The following RARB variants were observed in gnomAD, a reference collection of about 807,000 sequenced individuals.
The protein encoded by RARB is HBV-activated protein.
Under a neutral mutation model 51.9 loss-of-function variants are expected in RARB, and 17 were observed. The observed-to-expected ratio is 0.33, with a 90% CI of 0.22 to 0.49. The LOEUF (loss-of-function observed/expected upper bound fraction) is 0.49, where lower values mean the gene tolerates loss of function less well. RARB is among the 20% of genes least tolerant of loss of function. RARB has a pLI of 0.99. For synonymous variants in RARB, 215 were observed against 195.4 expected, an observed-to-expected ratio of 1.10 and a Z score of -0.84; for missense variants, 369 against 550.8, an observed-to-expected ratio of 0.67 and a Z score of 3.30.
intron 4 of RARB, among the ~76,000 whole-genome samples, chr3:25,158,678 T>G (rs1700417044): frequency 2.0e-5 from 3 of 152,234 alleles, no homozygotes; most frequent in South Asian, 2.1e-4. Context: ...TTTATGTAAT[T>G]AATGACTTTA....
intron 5 of RARB, among the ~76,000 whole-genome samples, chr3:25,299,624 C>T (rs1029678746): frequency 3.9e-5 from 6 of 152,096 alleles, no homozygotes; most frequent in Admixed American, 6.6e-5. Flanking sequence ...TTTAAAAAGA[C>T]GGTTATTTTT....
At chr3:25,043,182 A>C (rs1041940819) in intron 2 of RARB, among the ~76,000 whole-genome samples, 2 of 152,208 alleles carry the variant, frequency 1.3e-5, no homozygotes, top group African/African-American at 4.8e-5. Context: ...TAACTCATCA[A>C]AACCATGTTT....
intron 3 of RARB, among the ~76,000 whole-genome samples, chr3:25,548,642 CAAAAAAAA>C (rs35411774): frequency 2.0e-3 from 149 of 73,604 alleles, no homozygotes; most frequent in African/African-American, 8.4e-3. Flanking sequence ...CCTCCCCCGA[CAAAAAAAA>C]AAAAAAAAAA....
chr3:25,559,365 C>CA (rs1700180450), intron 3 of RARB, among the ~76,000 whole-genome samples: 1 of 152,210 alleles, frequency 6.6e-6, no homozygotes, highest in South Asian at 2.1e-4. Context: ...CCTATGGCCC[C>CA]ACAGGCTAAA....
At chr3:25,094,033 G>A (rs1274042488) in intron 3 of RARB, among the ~76,000 whole-genome samples, 1 of 152,294 alleles carries the variant, frequency 6.6e-6, no homozygotes, top group East Asian at 1.9e-4. Flanking sequence ...TGCCTGAGGA[G>A]CAAACTAGCT....
intron 2 of RARB, among the ~76,000 whole-genome samples, chr3:24,992,969 A>C (rs1219515076): frequency 1.3e-5 from 2 of 152,148 alleles, no homozygotes; most frequent in Non-Finnish European, 2.9e-5. Context: ...TCACTTTTTA[A>C]ATGAAAAATT....
chr3:25,235,678 G>C (rs555853629), intron 5 of RARB, among the ~76,000 whole-genome samples: 6 of 152,286 alleles, frequency 3.9e-5, no homozygotes, highest in South Asian at 2.1e-4. Flanking sequence ...TACAGCTCTT[G>C]AGTGAGGTTA....
chr3:25,135,603 C>A (rs186967346), intron 4 of RARB, among the ~76,000 whole-genome samples: 6 of 151,846 alleles, frequency 4.0e-5, no homozygotes, highest in African/African-American at 1.5e-4. Context: ...TGAACAGTTG[C>A]GTGCAACATA....
chr3:25,241,563 G>A (rs1274951989), intron 5 of RARB, among the ~76,000 whole-genome samples: 1 of 152,168 alleles, frequency 6.6e-6, no homozygotes, highest in African/African-American at 2.4e-5. Context: ...AGAACATGCA[G>A]TGTTTGGTTT....
At chr3:24,954,349 G>A (rs1695963418) in intron 2 of RARB, among the ~76,000 whole-genome samples, 1 of 152,168 alleles carries the variant, frequency 6.6e-6, no homozygotes, top group African/African-American at 2.4e-5. Context: ...AAGAATGGGG[G>A]CTGAGTTCTA....
intron 5 of RARB, among the ~76,000 whole-genome samples, chr3:25,386,111 G>A (rs758311243): frequency 6.6e-6 from 1 of 152,152 alleles, no homozygotes; most frequent in South Asian, 2.1e-4. Flanking sequence ...AGGCAATATA[G>A]TCTGATAAAG....
chr3:24,844,404 C>A (rs1480090649), intron 1 of RARB, among the ~76,000 whole-genome samples: 1 of 152,140 alleles, frequency 6.6e-6, no homozygotes, highest in Non-Finnish European at 1.5e-5. Context: ...GGCACTGCAC[C>A]AGGATTATAA....
intron 1 of RARB, among the ~76,000 whole-genome samples, chr3:25,432,906 A>C (rs1038740669): frequency 5.3e-5 from 8 of 152,230 alleles, no homozygotes; most frequent in African/African-American, 1.7e-4. Flanking sequence ...ACTCTGTTCA[A>C]GTCACACAGG....
chr3:25,485,677 A>G (rs1696429630), intron 2 of RARB, among the ~76,000 whole-genome samples: 1 of 152,210 alleles, frequency 6.6e-6, no homozygotes, highest in Non-Finnish European at 1.5e-5. Flanking sequence ...AGCAAAAGGA[A>G]GTTAAATGTA....
intron 3 of RARB, among the ~76,000 whole-genome samples, chr3:25,065,806 T>TG (rs1473854217): frequency 6.6e-6 from 1 of 152,210 alleles, no homozygotes; most frequent in Non-Finnish European, 1.5e-5. Flanking sequence ...AGGAAGGCAA[T>TG]GGTGGCCATT....
chr3:24,858,611 TC>T (rs1455475947), intron 1 of RARB: 2 of 151,482 alleles, frequency 1.3e-5, no homozygotes, highest in African/African-American at 4.8e-5. Context: ...TTTTGAATAA[TC>T]TAATTTCTTT....
At chr3:25,423,933 T>C (rs1338823949), upstream of RARB, among the ~76,000 whole-genome samples, 1 of 152,168 alleles carries the variant, frequency 6.6e-6, no homozygotes, top group Non-Finnish European at 1.5e-5. Flanking sequence ...CAACCGAAAC[T>C]GTTGGGCTTG....
chr3:25,513,442 T>C (rs1448838796), intron 3 of RARB, among the ~76,000 whole-genome samples: 3 of 152,156 alleles, frequency 2.0e-5, no homozygotes, highest in Non-Finnish European at 4.4e-5. Flanking sequence ...CACGTGAACT[T>C]AAAGTGAAAT....
At chr3:25,090,643 G>A (rs937460561) in intron 3 of RARB, among the ~76,000 whole-genome samples, 3 of 152,054 alleles carry the variant, frequency 2.0e-5, no homozygotes, top group African/African-American at 4.8e-5. Context: ...CCTTAATATA[G>A]ACAATGAATC....
Sources: gnomAD v4.1 joint callset for allele counts (sites outside exome capture counted in the v4.1 genomes callset) on GRCh38, gnomAD v4.1.1 for gene constraint, MANE v1.5 for transcripts, NCBI Gene and HGNC (gene_info 2026-07-23, HGNC 2026-07-21) for gene names.